The following PRKN variants were observed in gnomAD, a reference collection of about 807,000 sequenced individuals.
The protein encoded by PRKN is E3 ubiquitin-protein ligase parkin.
Under a neutral mutation model 59.5 loss-of-function variants are expected in PRKN, and 56 were observed. That is an observed-to-expected ratio of 0.94 (90% CI 0.76 to 1.18). The LOEUF (loss-of-function observed/expected upper bound fraction) is 1.18, where lower values mean the gene tolerates loss of function less well. Among genes scored for constraint, PRKN ranks in the 50% most tolerant of loss-of-function variants. The pLI is 0.00. For missense variants in PRKN, 657 were observed against 596.4 expected (o/e 1.10, Z -1.06); for synonymous variants, 250 against 222.1 (o/e 1.13, Z -1.12).
chr6:162,484,351 A>G (rs1411989161), intron 1 of PRKN, among the ~76,000 whole-genome samples: 1 of 152,120 alleles, frequency 6.6e-6, no homozygotes, highest in Non-Finnish European at 1.5e-5. Context: ...TGGTGGTAGC[A>G]AAACAGGGGG....
At chr6:161,406,799 A>T (rs1787298435) in intron 9 of PRKN, among the ~76,000 whole-genome samples, 1 of 152,138 alleles carries the variant, frequency 6.6e-6, no homozygotes, top group African/African-American at 2.4e-5. Context: ...ATGTTCAATC[A>T]TGTTACCACA....
intron 10 of PRKN, among the ~76,000 whole-genome samples, chr6:161,367,444 T>C (rs1235141872): frequency 6.6e-6 from 1 of 151,060 alleles, no homozygotes; most frequent in East Asian, 1.9e-4. Context: ...GGTTACGGTG[T>C]AGAAAACTAA....
intron 1 of PRKN, among the ~76,000 whole-genome samples, chr6:162,566,515 T>G (rs1045253241): frequency 3.3e-5 from 5 of 152,124 alleles, no homozygotes; most frequent in African/African-American, 1.2e-4. Context: ...TATATGTCAA[T>G]ATATTGGAAA....
intron 2 of PRKN, among the ~76,000 whole-genome samples, chr6:162,396,600 C>T (rs1438236056): frequency 6.6e-6 from 1 of 152,160 alleles, no homozygotes; most frequent in Non-Finnish European, 1.5e-5. Flanking sequence ...CGAGCAGACC[C>T]ACTCTGGACC....
At chr6:162,651,545 G>A (rs1042880368) in intron 1 of PRKN, among the ~76,000 whole-genome samples, 6 of 152,160 alleles carry the variant, frequency 3.9e-5, no homozygotes, top group African/African-American at 1.4e-4. Context: ...CCTCCGTACC[G>A]AATTGGTAAT....
At chr6:161,900,015 C>A (rs968241443) in intron 6 of PRKN, among the ~76,000 whole-genome samples, 27 of 152,032 alleles carry the variant, frequency 1.8e-4, no homozygotes, top group African/African-American at 6.5e-4. Context: ...GAGGCTGAGG[C>A]AGGGAGATTT....
chr6:162,001,878 TG>T (rs1309073257), intron 5 of PRKN, among the ~76,000 whole-genome samples: 2 of 144,084 alleles, frequency 1.4e-5, no homozygotes, highest in Non-Finnish European at 3.0e-5. Flanking sequence ...AAATCATGAA[TG>T]GGTGTTTGAT....
chr6:162,339,062 C>T (rs1235577019), intron 2 of PRKN, among the ~76,000 whole-genome samples: 4 of 148,762 alleles, frequency 2.7e-5, no homozygotes, highest in African/African-American at 5.0e-5. Context: ...CCGGCAGCCG[C>T]CCCGTCTGAG....
chr6:162,500,232 CATG>C (rs1305375335), intron 1 of PRKN, among the ~76,000 whole-genome samples: 2 of 149,780 alleles, frequency 1.3e-5, no homozygotes, highest in East Asian at 4.0e-4. Flanking sequence ...GAGTGCAGTG[CATG>C]ATATCGGCTC....
chr6:162,133,246 C>T (rs1446029824), intron 4 of PRKN, among the ~76,000 whole-genome samples: 1 of 152,148 alleles, frequency 6.6e-6, no homozygotes, highest in Non-Finnish European at 1.5e-5. Flanking sequence ...GGTGTTTGAA[C>T]AAGAGAATAG....
chr6:161,462,260 C>T lies in PRKN; in HGVS notation c.1084-75383G>A, dbSNP rs113912130. Among the ~76,000 whole-genome samples the T allele has an allele frequency of 0.011, 1,644 of 152,328 alleles. 35 individuals carry two copies. Among genetic ancestry groups the T allele is most frequent in the African/African-American group, 0.038 (1,582 of 41,574 alleles). On this transcript the variant is annotated intron_variant, in intron 9 of 11. Coordinates refer to ENST00000366898, the MANE Select transcript of PRKN (RefSeq NM_004562.3). The surrounding 1 kb of genome is among the most constrained non-coding windows in gnomAD (Gnocchi z 4.5). ...AAAAGTGAGCCTGAATCATTTACAT[C>T]TAACAATGTTATCTAGACAGCATGC...
chr6:161,514,780 C>T (rs1308004382), intron 9 of PRKN, among the ~76,000 whole-genome samples: 2 of 152,152 alleles, frequency 1.3e-5, no homozygotes, highest in African/African-American at 2.4e-5. Context: ...CAGAAGGGCT[C>T]TGGTTCCAGG....
chr6:162,216,477 C>T (rs919743192), intron 3 of PRKN, among the ~76,000 whole-genome samples: 1 of 142,980 alleles, frequency 7.0e-6, no homozygotes, highest in Non-Finnish European at 1.5e-5. Context: ...TTGCAGTGAG[C>T]CGAGATTGCG....
At chr6:162,031,538 CTTTT>C (rs57437847) in intron 5 of PRKN, among the ~76,000 whole-genome samples, 2 of 141,224 alleles carry the variant, frequency 1.4e-5, no homozygotes, top group African/African-American at 5.3e-5. Flanking sequence ...TTTTCTTTTT[CTTTT>C]TTTTTTTTTT....
intron 7 of PRKN, among the ~76,000 whole-genome samples, chr6:161,720,946 GCAGA>G (rs557578642): frequency 1.3e-3 from 197 of 152,232 alleles, no homozygotes; most frequent in Non-Finnish European, 2.3e-3. Flanking sequence ...CGTTCATAAT[GCAGA>G]CAGACTGTTT....
At chr6:162,283,506 T>A (rs1781019795) in intron 2 of PRKN, among the ~76,000 whole-genome samples, 2 of 152,134 alleles carry the variant, frequency 1.3e-5, no homozygotes, top group African/African-American at 4.8e-5. Context: ...ACTATCTCAA[T>A]GAAAAAGTAG....
At chr6:161,557,333 A>G (rs767704757) in intron 8 of PRKN, among the ~76,000 whole-genome samples, 3 of 152,212 alleles carry the variant, frequency 2.0e-5, no homozygotes, top group Non-Finnish European at 4.4e-5. Context: ...AATTTAAATA[A>G]TGGGTCATGG....
chr6:162,293,633 C>G (rs1209770825), intron 2 of PRKN, among the ~76,000 whole-genome samples: 1 of 152,040 alleles, frequency 6.6e-6, no homozygotes, highest in African/African-American at 2.4e-5. Context: ...GGGGATGACT[C>G]AGAGATGGGG....
chr6:162,304,538 TCTA>T (rs879785729), intron 2 of PRKN, among the ~76,000 whole-genome samples: 3,146 of 130,944 alleles, frequency 0.024, 230 homozygotes, highest in African/African-American at 0.09. Context: ...TATCTATCTA[TCTA>T]TCTATTTATC....
Sources: gnomAD v4.1 joint callset for allele counts (sites outside exome capture counted in the v4.1 genomes callset) on GRCh38, gnomAD v4.1.1 for gene constraint, Gnocchi (gnomAD v3.1) non-coding constraint, MANE v1.5 for transcripts, NCBI Gene and HGNC (gene_info 2026-07-23, HGNC 2026-07-21) for gene names.